Variants in VANGL2 observed in about 807,000 individuals in gnomAD.
VANGL2 encodes the protein vang-like protein 2.
Under a neutral mutation model 50.2 loss-of-function variants are expected in VANGL2, and 14 were observed. That is an observed-to-expected ratio of 0.28 (90% CI 0.18 to 0.44). The LOEUF (loss-of-function observed/expected upper bound fraction) is 0.44. VANGL2 is among the 20% of genes least tolerant of loss of function. The pLI, the probability that VANGL2 is intolerant of heterozygous loss-of-function variation, is 1.00. For synonymous variants in VANGL2, 295 were observed against 297.2 expected (o/e 0.99, Z 0.08); for missense variants, 533 against 701.5 (o/e 0.76, Z 2.71).
At chr1:160,409,425 A>G (rs1406803251) in intron 1 of VANGL2, among the ~76,000 whole-genome samples, 1 of 152,118 alleles carries the variant, frequency 6.6e-6, no homozygotes, top group African/African-American at 2.4e-5. Context: ...TGGTTCAGCC[A>G]GCTGTGTCCT....
intron 1 of VANGL2, among the ~76,000 whole-genome samples, chr1:160,412,734 T>C (rs1446313645): frequency 3.3e-5 from 5 of 152,210 alleles, no homozygotes; most frequent in African/African-American, 7.2e-5. Flanking sequence ...GTTAAGAAGA[T>C]GAATGAATAG....
intron 5 of VANGL2, 101 bp from the exon 6 acceptor site, chr1:160,420,951 G>C: frequency 6.5e-7 from 1 of 1,549,658 alleles, no homozygotes; most frequent in East Asian, 2.4e-5. Context: ...GGTGGGAACA[G>C]CTTCTTCTGG....
intron 7 of VANGL2, among the ~76,000 whole-genome samples, chr1:160,424,736 C>T (rs1431992229): frequency 6.6e-6 from 1 of 152,178 alleles, no homozygotes; most frequent in Non-Finnish European, 1.5e-5. Flanking sequence ...TTAACCTTGA[C>T]ACCTTTGGCT....
intron 1 of VANGL2, among the ~76,000 whole-genome samples, chr1:160,405,694 G>A (rs935804545): frequency 3.9e-5 from 6 of 152,074 alleles, no homozygotes; most frequent in African/African-American, 1.4e-4. Flanking sequence ...TTCCCCTGCC[G>A]CTCCACACAC....
chr1:160,403,878 C>T (rs1263045165), intron 1 of VANGL2, among the ~76,000 whole-genome samples: 2 of 152,220 alleles, frequency 1.3e-5, no homozygotes, highest in Non-Finnish European at 2.9e-5. Flanking sequence ...TGGCTTTCTT[C>T]CCTGGTTTGC....
chr1:160,408,685 G>T (rs946469180), intron 1 of VANGL2, among the ~76,000 whole-genome samples: 4 of 152,150 alleles, frequency 2.6e-5, no homozygotes, highest in African/African-American at 7.2e-5. Flanking sequence ...TAACAGGGCG[G>T]GGGTGGGGCA....
At chr1:160,424,457 G>A (rs948541604) in intron 7 of VANGL2, among the ~76,000 whole-genome samples, 174 bp downstream of exon 7, 2 of 152,040 alleles carry the variant, frequency 1.3e-5, no homozygotes, top group Admixed American at 1.3e-4. Flanking sequence ...CCCCATCTGT[G>A]TGGGGTGAAG....
In VANGL2 at chr1:160,419,410, G is replaced by A. The variant is rs765732320; in HGVS notation, c.601G>A (p.Gly201Ser). The A allele has an allele frequency of 5.6e-6, 9 of 1,612,194 alleles. No homozygotes were observed. Among genetic ancestry groups the A allele is most frequent in the South Asian group, 4.4e-5 (4 of 91,080 alleles). ...CGTGGTCTCCTACTGGCTCTTCTAT[G>A]GTGTGCGCATCCTGGATGCTCGGGA... is the stretch of plus-strand genomic sequence containing the variant. ...LLVVSYWLFY[G>S]VRILDARERS... Residue 201 changes from glycine to serine, a missense_variant, in exon 4 of 8, where the codon GGT (glycine) becomes AGT (serine). By Grantham distance (56) the Gly-to-Ser change is moderately conservative. Transcript: ENST00000368061. The surrounding 1 kb of genome is among the most constrained non-coding windows in gnomAD (Gnocchi z 5.8).
chr1:160,403,939 T>C (rs1650566722), intron 1 of VANGL2, among the ~76,000 whole-genome samples: 1 of 152,206 alleles, frequency 6.6e-6, no homozygotes, highest in Non-Finnish European at 1.5e-5. Context: ...CAGACAAAAC[T>C]GGTAACTTTT....
chr1:160,412,533 C>T (rs1650915041), intron 1 of VANGL2, among the ~76,000 whole-genome samples: 1 of 151,898 alleles, frequency 6.6e-6, no homozygotes, highest in African/African-American at 2.4e-5. Flanking sequence ...GTAGATGAGC[C>T]CAACATATAT....
chr1:160,416,086 T>A lies in VANGL2; in HGVS notation c.96T>A (p.Ser32=). ...GGGACCGCCGGGACCGACACCGCTCTAAGAGTCGAGATGGGGGCCGAGGGG... is the reference window on the plus strand; with the variant it reads ...GGGACCGCCGGGACCGACACCGCTCAAAGAGTCGAGATGGGGGCCGAGGGG... ...KHRDRRDRHR[S]KSRDGGRGDK... The change falls in exon 3 of 8, where the codon TCT becomes TCA. Residue 32 remains serine, a synonymous_variant. Transcript: ENST00000368061. 6.2e-7 allele frequency: 1 copy of A among 1,614,218 alleles called. No homozygotes were observed. Among genetic ancestry groups the A allele is most frequent in the South Asian group, 1.1e-5 (1 of 91,086 alleles).
intron 1 of VANGL2, among the ~76,000 whole-genome samples, chr1:160,411,418 C>T (rs1001067083): frequency 3.9e-5 from 6 of 151,974 alleles, no homozygotes; most frequent in Non-Finnish European, 8.8e-5. Context: ...TCCCTGGGAA[C>T]GCTGCCCACC....
intron 3 of VANGL2, among the ~76,000 whole-genome samples, chr1:160,417,121 G>A (rs1388701981): frequency 6.6e-6 from 1 of 152,130 alleles, no homozygotes; most frequent in Non-Finnish European, 1.5e-5. Flanking sequence ...GAGGGGGTGG[G>A]CAGTATGTCT....
chr1:160,406,725 A>AG (rs1650675972), intron 1 of VANGL2, among the ~76,000 whole-genome samples: 1 of 144,548 alleles, frequency 6.9e-6, no homozygotes, highest in Non-Finnish European at 1.5e-5. Flanking sequence ...GGGTCTAGGG[A>AG]GGGGGTTCTG....
intron 1 of VANGL2, among the ~76,000 whole-genome samples, chr1:160,408,545 G>T (rs559861818): frequency 6.6e-6 from 1 of 152,288 alleles, no homozygotes; most frequent in Non-Finnish European, 1.5e-5. Flanking sequence ...ATGCCTGGAT[G>T]ACACAAGCAT....
intron 1 of VANGL2, among the ~76,000 whole-genome samples, chr1:160,404,952 CA>C (rs754867526): frequency 8.5e-5 from 13 of 152,194 alleles, no homozygotes; most frequent in Non-Finnish European, 1.5e-4. Flanking sequence ...GTCTATAAAA[CA>C]AAGTTAATCA....
At chr1:160,410,322 T>G (rs933989430) in intron 1 of VANGL2, among the ~76,000 whole-genome samples, 1 of 152,170 alleles carries the variant, frequency 6.6e-6, no homozygotes, top group Non-Finnish European at 1.5e-5. Context: ...GGTGCCCTTT[T>G]TAGGTACATG....
Position 160,415,695 on chromosome 1 carries a change from T to C in VANGL2, c.-143T>C. 4 of 935,098 alleles carry C rather than the reference T, an allele frequency of 4.3e-6. No homozygotes were observed. The highest frequency in any genetic ancestry group is 6.6e-6 in the Non-Finnish European group (4 of 604,304). 57.9% of individuals were successfully genotyped at this position (935,098 alleles called of 1,614,324 possible). ...AGACAAGCCCACCCGTCCAGCAAAA[T>C]AGAGTCCCTCAGGGTGACAGTTGAC... On this transcript the variant is annotated 5_prime_UTR_variant, in exon 2 of 8. Coordinates refer to ENST00000368061, the MANE Select transcript of VANGL2 (RefSeq NM_020335.3).
chr1:160,422,918 T>A (rs79706302), intron 6 of VANGL2, among the ~76,000 whole-genome samples: 11 of 151,444 alleles, frequency 7.3e-5, no homozygotes, highest in Non-Finnish European at 1.6e-4. Flanking sequence ...TTTTTTTTTT[T>A]TTATTGAGAT....
Sources: allele counts gnomAD v4.1 joint callset (sites outside exome capture counted in the v4.1 genomes callset), GRCh38; gene constraint gnomAD v4.1.1; non-coding constraint Gnocchi (gnomAD v3.1); transcripts MANE v1.5; gene names NCBI Gene and HGNC (gene_info 2026-07-23, HGNC 2026-07-21).